The following CEACAM21 variants were observed in gnomAD, a reference collection of about 807,000 sequenced individuals.
CEACAM21 encodes CEA cell adhesion molecule 21, also known as cell adhesion molecule CEACAM21.
In CEACAM21, 38 loss-of-function variants were observed where a neutral mutation model predicts 33.2. The ratio of observed to expected loss-of-function variants is 1.14; its 90% CI spans 0.88 to 1.50. The LOEUF (loss-of-function observed/expected upper bound fraction) is 1.50. Ranked by LOEUF, CEACAM21 falls within the 40% of genes most tolerant of loss-of-function variation. CEACAM21 has a pLI of 0.00. For synonymous variants in CEACAM21, 156 were observed against 143.0 expected (o/e 1.09, Z -0.65); for missense variants, 385 against 364.6 (o/e 1.06, Z -0.46).
intron 1 of CEACAM21, chr19:41,554,991 T>G (rs1568576363): frequency 6.6e-6 from 1 of 152,072 alleles, no homozygotes; most frequent in Non-Finnish European, 1.5e-5. Context: ...TTAGAGACTC[T>G]TAGGCTTCTT....
intron 1 of CEACAM21, among the ~76,000 whole-genome samples, chr19:41,553,205 C>A (rs1555784833): frequency 6.6e-6 from 1 of 151,928 alleles, no homozygotes; most frequent in African/African-American, 2.4e-5. Context: ...TCACTGTAAC[C>A]TCCGCTTCCC....
intron 1 of CEACAM21, among the ~76,000 whole-genome samples, chr19:41,559,879 C>T (rs2041769130): frequency 6.6e-6 from 1 of 152,126 alleles, no homozygotes; most frequent in African/African-American, 2.4e-5. Context: ...AAGGCTGAGG[C>T]GGGAGGATCT....
intron 1 of CEACAM21, among the ~76,000 whole-genome samples, chr19:41,560,061 G>A (rs1307731366): frequency 6.6e-6 from 1 of 151,818 alleles, no homozygotes; most frequent in African/African-American, 2.4e-5. Flanking sequence ...AAACTGAATT[G>A]GTATTTTTCA....
intron 3 of CEACAM21, among the ~76,000 whole-genome samples, chr19:41,582,153 C>A (rs181504665): frequency 3.3e-5 from 5 of 152,358 alleles, no homozygotes; most frequent in Admixed American, 2.0e-4. Flanking sequence ...CATGCAAGCC[C>A]AAAATCCAGC....
intron 1 of CEACAM21, chr19:41,551,980 A>G (rs1223997333): frequency 1.3e-5 from 2 of 152,168 alleles, no homozygotes; most frequent in Non-Finnish European, 2.9e-5. Context: ...CGAGATGCAG[A>G]TAAACTGGGG....
intron 1 of CEACAM21, among the ~76,000 whole-genome samples, chr19:41,564,527 G>T (rs1435530015): frequency 6.6e-6 from 1 of 152,118 alleles, no homozygotes; most frequent in Non-Finnish European, 1.5e-5. Context: ...AAAACGGTAG[G>T]AGTAGTGGAA....
intron 2 of CEACAM21, among the ~76,000 whole-genome samples, chr19:41,568,288 T>C (rs1342595066): frequency 6.6e-6 from 1 of 152,168 alleles, no homozygotes; most frequent in Non-Finnish European, 1.5e-5. Context: ...TTTAGTTTGA[T>C]GAAATCCCGT....
chr19:41,572,004 TCTCTA>T (rs59858737), upstream of CEACAM21, among the ~76,000 whole-genome samples: 170 of 152,198 alleles, frequency 1.1e-3, 1 homozygote, highest in African/African-American at 3.8e-3. Flanking sequence ...GAAAAGTGAT[TCTCTA>T]CTCTATGTAC....
At position 41,577,303 on chromosome 19, in the gene CEACAM21, T is replaced by G; in HGVS notation, c.168T>G (p.Val56=). The G allele has an allele frequency of 6.2e-7, 1 of 1,614,086 alleles. No homozygotes were observed. The highest frequency in any genetic ancestry group is 8.5e-7 in the Non-Finnish European group (1 of 1,179,970). The change falls in exon 2 of 7, where the codon GTT becomes GTG. Residue 56 remains valine (V), a synonymous_variant. Transcript: ENST00000401445. ...GGGAGAATGTTCATCTCTCTGTGGT[T>G]TATCTGCCCGAGAATCTTTACAGCT... ...AEGENVHLSV[V]YLPENLYSYG...
chr19:41,577,444 C>T lies in CEACAM21; in HGVS notation c.309C>T (p.Pro103=), dbSNP rs2043034170. The change falls in exon 2 of 7, where the codon CCC becomes CCT. Residue 103 remains proline (P), a synonymous_variant. Coordinates refer to ENST00000401445, the MANE Select transcript of CEACAM21 (RefSeq NM_001098506.4). Reference sequence around the variant, plus strand: ...ACAGCGGTCGAGAGACAATATCACCCAGTGGAGATCTGCATTTCCAGAACG... The same window carrying T: ...ACAGCGGTCGAGAGACAATATCACCTAGTGGAGATCTGCATTTCCAGAACG... ...PAYSGRETIS[P]SGDLHFQNVT... is the part of the protein sequence containing the mutation. 1.2e-6 allele frequency: 2 copies of T among 1,614,056 alleles called. No individual in the cohort carries two copies. The highest frequency in any genetic ancestry group is 1.7e-5 in the Admixed American group (1 of 60,000).
chr19:41,554,501 C>T (rs1485725264), intron 1 of CEACAM21, among the ~76,000 whole-genome samples: 1 of 151,968 alleles, frequency 6.6e-6, no homozygotes, highest in East Asian at 1.9e-4. Flanking sequence ...TTGGAACCCT[C>T]ATCAATAACA....
At chr19:41,586,341 G>C (rs1189579045) in intron 6 of CEACAM21, 123 bp from the exon 7 acceptor site, 2 of 600,286 alleles carry the variant, frequency 3.3e-6, no homozygotes, top group Non-Finnish European at 6.3e-6. Flanking sequence ...GGGCCTGGGA[G>C]CAGGAACCCC....
At position 41,582,322 on chromosome 19, in the gene CEACAM21, G is replaced by A. The variant is rs7253372; in HGVS notation, c.701-2025G>A. On this transcript the variant is annotated intron_variant, in intron 3 of 6. Transcript: ENST00000401445. ...CTCCTGGCTGCTTTCATAGGCTGGC[G>A]TTGAGTGTCTGCAGCTTTTCTAGGT... is the stretch of plus-strand genomic sequence containing the variant. 4.2e-3 allele frequency among the ~76,000 whole-genome samples: 642 copies of A among 152,348 alleles called. 7 individuals are homozygous for A. The highest frequency in any genetic ancestry group is 0.015 in the African/African-American group (608 of 41,580).
At chr19:41,578,268 G>T (rs1018559069) in intron 2 of CEACAM21, among the ~76,000 whole-genome samples, 2 of 151,340 alleles carry the variant, frequency 1.3e-5, no homozygotes, top group Admixed American at 6.6e-5. Flanking sequence ...ACTCTGGACC[G>T]CTCCTTCTCC....
At chr19:41,558,337 A>G (rs1321521039) in intron 1 of CEACAM21, among the ~76,000 whole-genome samples, 1 of 152,150 alleles carries the variant, frequency 6.6e-6, no homozygotes, top group East Asian at 1.9e-4. Context: ...CTATCTATCT[A>G]TTACATCTCC....
intron 2 of CEACAM21, 121 bp from the exon 3 acceptor site, chr19:41,579,232 G>A: frequency 6.5e-7 from 1 of 1,529,118 alleles, no homozygotes; most frequent in Non-Finnish European, 8.9e-7. Flanking sequence ...GGTTCTCTCT[G>A]CTCCTCCCTG....
intron 1 of CEACAM21, chr19:41,555,127 A>T (rs1433357187): frequency 6.6e-6 from 1 of 151,928 alleles, no homozygotes; most frequent in Non-Finnish European, 1.5e-5. Flanking sequence ...TGATTTCCTG[A>T]CATTTCTATA....
chr19:41,578,912 G>T (rs1308593807), intron 2 of CEACAM21, among the ~76,000 whole-genome samples: 5 of 152,194 alleles, frequency 3.3e-5, no homozygotes, highest in African/African-American at 1.2e-4. Flanking sequence ...ATGAAGGAGG[G>T]AGGGAATTAA....
At chr19:41,561,926 A>G (rs1331600332) in intron 1 of CEACAM21, among the ~76,000 whole-genome samples, 1 of 152,230 alleles carries the variant, frequency 6.6e-6, no homozygotes, top group East Asian at 1.9e-4. Context: ...GATACATTCT[A>G]TTATATTAAA....
Sources: allele counts gnomAD v4.1 joint callset (sites outside exome capture counted in the v4.1 genomes callset), GRCh38; gene constraint gnomAD v4.1.1; transcripts MANE v1.5; gene names NCBI Gene and HGNC (gene_info 2026-07-23, HGNC 2026-07-21).